AFG2B: variants seen among roughly 807,000 people sequenced by gnomAD.
AFG2B encodes AAA ATPase AFG2B.
chr15:45,415,763 TA>T, the AFG2B span: 1 of 1,613,728 alleles, frequency 6.2e-7, no homozygotes, highest in Non-Finnish European at 8.5e-7. Context: ...GAAGAGGAAG[TA>T]AATCAAGTCA....
the AFG2B span, chr15:45,421,201 A>G: frequency 4.1e-5 from 66 of 1,599,290 alleles, no homozygotes; most frequent in Non-Finnish European, 5.3e-5. Context: ...CTAACGTGGA[A>G]GGTATTTAAA....
chr15:45,409,339 T>C, the AFG2B span, among the ~76,000 whole-genome samples: 3 of 145,438 alleles, frequency 2.1e-5, no homozygotes, highest in African/African-American at 7.7e-5. Context: ...ATCACAGCAC[T>C]GCACTCCAAC....
At chr15:45,410,626 C>G in the AFG2B span, 1 of 1,172,080 alleles carries the variant, frequency 8.5e-7, no homozygotes, top group Admixed American at 2.8e-5. Flanking sequence ...TGCTCTTGCT[C>G]CTATCACTAA....
At chr15:45,404,575 G>C in the AFG2B span, among the ~76,000 whole-genome samples, 1 of 152,080 alleles carries the variant, frequency 6.6e-6, no homozygotes, top group African/African-American at 2.4e-5. Flanking sequence ...GGGAGGCTGA[G>C]GTGGGTGGAT....
the AFG2B span, chr15:45,414,518 A>G: frequency 2.6e-6 from 4 of 1,522,392 alleles, no homozygotes; most frequent in Non-Finnish European, 3.6e-6. Context: ...ACTGGATGAT[A>G]TGACATTTTA....
chr15:45,415,933 G>A, the AFG2B span: 5 of 710,830 alleles, frequency 7.0e-6, no homozygotes, highest in Non-Finnish European at 1.1e-5. Flanking sequence ...GTTTGACTTT[G>A]TTAGGACTTT....
At chr15:45,405,620 A>T in the AFG2B span, 1 of 958,710 alleles carries the variant, frequency 1.0e-6, no homozygotes, top group African/African-American at 1.6e-5. Context: ...TAGCTTCCAC[A>T]GCTGTTGCTT....
At chr15:45,410,487 A>T in the AFG2B span, 1 of 1,612,434 alleles carries the variant, frequency 6.2e-7, no homozygotes, top group South Asian at 1.1e-5. Flanking sequence ...GTTGACTGGG[A>T]GGAGATTGGT....
the AFG2B span, among the ~76,000 whole-genome samples, chr15:45,406,189 T>C: frequency 9.2e-5 from 14 of 152,344 alleles, no homozygotes; most frequent in Non-Finnish European, 1.8e-4. Flanking sequence ...AAGAGTCAGT[T>C]ATTCTGTGGA....
the AFG2B span, chr15:45,403,454 G>A: frequency 1.9e-6 from 3 of 1,609,030 alleles, no homozygotes; most frequent in Non-Finnish European, 2.5e-6. Context: ...GTGGTTGTGG[G>A]AGCCACTAAC....
chr15:45,411,437 C>A, the AFG2B span, among the ~76,000 whole-genome samples: 1 of 152,176 alleles, frequency 6.6e-6, no homozygotes, highest in Non-Finnish European at 1.5e-5. Context: ...GCCTCAGTGC[C>A]CCACCAAGTA....
the AFG2B span, among the ~76,000 whole-genome samples, chr15:45,415,320 A>G: frequency 6.6e-6 from 1 of 151,946 alleles, no homozygotes; most frequent in Non-Finnish European, 1.5e-5. Flanking sequence ...AACGTGGCAA[A>G]ACCCCGTCTC....
At chr15:45,414,487 G>T in the AFG2B span, 2 of 1,314,422 alleles carry the variant, frequency 1.5e-6, no homozygotes, top group Non-Finnish European at 2.1e-6. Flanking sequence ...GCTGAGAATT[G>T]TTAAATGAAG....
chr15:45,402,673 G>C, the AFG2B span: 1 of 1,577,056 alleles, frequency 6.3e-7, no homozygotes, highest in East Asian at 2.3e-5. Context: ...CGCGAGCCCC[G>C]GGGCGGCGGT....
chr15:45,405,326 A>G, the AFG2B span: 7 of 1,613,846 alleles, frequency 4.3e-6, no homozygotes, highest in Admixed American at 1.2e-4. Context: ...ATAGGTGGTC[A>G]TTGGGACTCC....
At chr15:45,404,466 A>G in the AFG2B span, among the ~76,000 whole-genome samples, 1 of 142,622 alleles carries the variant, frequency 7.0e-6, no homozygotes, top group Non-Finnish European at 1.5e-5. Context: ...TACTAGTTCC[A>G]AAGTGGTTCA....
chr15:45,415,277 A>G, the AFG2B span, among the ~76,000 whole-genome samples: 14 of 152,150 alleles, frequency 9.2e-5, no homozygotes, highest in East Asian at 2.5e-3. Context: ...CGGGTGAATA[A>G]CTTTAGGCCA....
chr15:45,405,749 G>A, the AFG2B span, among the ~76,000 whole-genome samples: 1 of 152,130 alleles, frequency 6.6e-6, no homozygotes, highest in African/African-American at 2.4e-5. Context: ...ACTCCCTAGT[G>A]CTGAAGCCCA....
chr15:45,402,391 T>C, the AFG2B span: 1 of 1,558,244 alleles, frequency 6.4e-7, no homozygotes, highest in Non-Finnish European at 8.6e-7. Flanking sequence ...CGGGTGGGTT[T>C]CCTAATCTGG....
Sources: gnomAD v4.1 joint callset for allele counts (sites outside exome capture counted in the v4.1 genomes callset) on GRCh38, gnomAD v4.1.1 for gene constraint, MANE v1.5 for transcripts, NCBI Gene and HGNC (gene_info 2026-07-23, HGNC 2026-07-21) for gene names.